The following DNAJA2 variants were observed in gnomAD, a reference collection of about 807,000 sequenced individuals.
The protein encoded by DNAJA2 is dnaJ homolog subfamily A member 2.
Under a neutral mutation model 49.3 loss-of-function variants are expected in DNAJA2, and 6 were observed. The observed-to-expected ratio is 0.12, with a 90% CI of 0.07 to 0.24. The LOEUF (loss-of-function observed/expected upper bound fraction) is 0.24. Among genes scored for constraint, DNAJA2 ranks in the 10% least tolerant of loss-of-function variants. DNAJA2 has a pLI of 1.00. For synonymous variants in DNAJA2, 160 were observed against 172.7 expected (o/e 0.93, Z 0.58); for missense variants, 347 against 516.8 (o/e 0.67, Z 3.19).
At chr16:46,971,666 A>ACAAAAAAC in intron 2 of DNAJA2, 94 bp from the exon 3 acceptor site, 1 of 997,540 alleles carries the variant, frequency 1.0e-6, no homozygotes, top group Non-Finnish European at 1.5e-6. Context: ...AATTCTAAAA[A>ACAAAAAAC]AAAAAAAAAA....
At chr16:46,967,893 G>A (rs1017002520) in intron 4 of DNAJA2, among the ~76,000 whole-genome samples, 191 bp downstream of exon 4, 4 of 152,034 alleles carry the variant, frequency 2.6e-5, no homozygotes, top group African/African-American at 9.7e-5. Context: ...TTCACCTCTC[G>A]GGTTCAAGCG....
chr16:46,972,516 T>C (rs1337360065), intron 1 of DNAJA2: 1 of 154,736 alleles, frequency 6.5e-6, no homozygotes, highest in Non-Finnish European at 1.4e-5. Flanking sequence ...GGTAGAGAAG[T>C]TGCACACACT....
chr16:46,968,463 T>C lies in DNAJA2; in HGVS notation c.363-299A>G, dbSNP rs558107209. On this transcript the variant is annotated intron_variant, in intron 3 of 8. Transcript: ENST00000317089. ...GCTGATGACTTCGCAAACTCAAATATCACAACCTTCTGTTCTGAGGCATAA... is the reference window on the plus strand; with the variant it reads ...GCTGATGACTTCGCAAACTCAAATACCACAACCTTCTGTTCTGAGGCATAA... 2.0e-5 allele frequency among the ~76,000 whole-genome samples: 3 copies of C among 152,316 alleles called. No individual in the cohort carries two copies. The South Asian group carries it at 6.2e-4, about 32-fold the overall frequency.
intron 6 of DNAJA2, among the ~76,000 whole-genome samples, chr16:46,963,852 TCA>T (rs1365437707): frequency 1.3e-5 from 2 of 152,158 alleles, no homozygotes; most frequent in Non-Finnish European, 2.9e-5. Context: ...CAGCAGAGTT[TCA>T]CAGTGAAAAT....
At chr16:46,963,496 C>A (rs1961927435) in intron 6 of DNAJA2, among the ~76,000 whole-genome samples, 1 of 150,326 alleles carries the variant, frequency 6.7e-6, no homozygotes, top group Non-Finnish European at 1.5e-5. Flanking sequence ...TGGCAAGACC[C>A]TGTCTCTACT....
chr16:46,968,729 T>C (rs1375800561), intron 3 of DNAJA2, among the ~76,000 whole-genome samples: 1 of 152,086 alleles, frequency 6.6e-6, no homozygotes, highest in Non-Finnish European at 1.5e-5. Flanking sequence ...GCCCTACCTA[T>C]AGTATGACAG....
At chr16:46,967,777 T>G (rs1293312302) in intron 4 of DNAJA2, 131 bp from the exon 5 acceptor site, 2 of 1,284,618 alleles carry the variant, frequency 1.6e-6, no homozygotes, top group Non-Finnish European at 2.2e-6. Context: ...CTTCCAGAAG[T>G]ATCAGAAAAC....
Position 46,973,489 on chromosome 16 carries a change from A to G in DNAJA2, c.78+6T>C, listed in dbSNP as rs778691154. The stretch of plus-strand genomic sequence containing the variant: ...CCTCACACCCGCCCGGCCCGCTCCC[A>G]GATACCTTCTTCAGCTCGTTCTCGC... On this transcript the variant is annotated splice_donor_region_variant and intron_variant, in intron 1 of 8. Transcript: ENST00000317089. 6 of 1,599,160 alleles carry G rather than the reference A, an allele frequency of 3.8e-6. No homozygotes were observed. The South Asian group carries it at 6.7e-5, about 18-fold the overall frequency.
intron 3 of DNAJA2, among the ~76,000 whole-genome samples, chr16:46,968,589 C>T (rs377748941): frequency 2.0e-5 from 3 of 152,166 alleles, no homozygotes; most frequent in East Asian, 3.9e-4. Context: ...AAGTAACTTG[C>T]CCAAGATCAC....
Position 46,956,938 on chromosome 16 carries a change from TCTGGATTGATAAGACACTCCAG to T in DNAJA2, c.*69_*90del, listed in dbSNP as rs1961823721. 5 of 1,404,530 alleles carry T rather than the reference TCTGGATTGATAAGACACTCCAG, an allele frequency of 3.6e-6. No individual in the cohort carries two copies. The highest frequency in any genetic ancestry group is 4.0e-6 in the Non-Finnish European group (4 of 991,950). The allele number at this position is 1,404,530 out of a possible 1,614,324, so 87.0% of individuals were successfully genotyped here. A position where few individuals can be genotyped will look rare whatever the true frequency, so the allele number is the denominator to read the frequency against. ...AGACCAACAGATGTCCCTCAGTTCA[TCTGGATTGATAAGACACTCCAG>T]CTGGATTGCTGAGAACAAATCAGGC... On this transcript the variant is annotated 3_prime_UTR_variant, in exon 9 of 9. Transcript: ENST00000317089.
chr16:46,961,836 A>G (rs1278721294), intron 6 of DNAJA2, among the ~76,000 whole-genome samples: 3 of 152,116 alleles, frequency 2.0e-5, no homozygotes, highest in Non-Finnish European at 4.4e-5. Flanking sequence ...CTTAGAAGTC[A>G]TATTTCTGAA....
intron 4 of DNAJA2, 149 bp from the exon 5 acceptor site, chr16:46,967,795 T>A (rs1249467426): frequency 8.3e-7 from 1 of 1,201,138 alleles, no homozygotes; most frequent in Non-Finnish European, 1.2e-6. Context: ...AACATTCTGC[T>A]AAGATTTTTT....
At chr16:46,963,977 G>C (rs1253488316) in intron 6 of DNAJA2, among the ~76,000 whole-genome samples, 1 of 152,152 alleles carries the variant, frequency 6.6e-6, no homozygotes, top group Non-Finnish European at 1.5e-5. Context: ...GACCAGGCCA[G>C]AGGAGAATCG....
intron 3 of DNAJA2, among the ~76,000 whole-genome samples, chr16:46,971,096 A>G (rs1271654422): frequency 6.6e-6 from 1 of 152,170 alleles, no homozygotes; most frequent in Non-Finnish European, 1.5e-5. Flanking sequence ...AAGTCCTATA[A>G]TAACAAGCAG....
At chr16:46,968,374 G>C (rs148095384) in intron 3 of DNAJA2, among the ~76,000 whole-genome samples, 23 of 152,262 alleles carry the variant, frequency 1.5e-4, no homozygotes, top group Non-Finnish European at 3.4e-4. Context: ...GTACATATAT[G>C]ATACCCAAAG....
chr16:46,962,536 G>A (rs867154266), intron 6 of DNAJA2, among the ~76,000 whole-genome samples: 5 of 152,104 alleles, frequency 3.3e-5, no homozygotes, highest in Non-Finnish European at 4.4e-5. Flanking sequence ...TTACAACACA[G>A]TCTAACCTCC....
At position 46,959,112 on chromosome 16, in the gene DNAJA2, C is replaced by T. The variant is rs1257961632; in HGVS notation, c.938G>A (p.Arg313Gln). ...ACGATACTGCGGCATCCCTTCACCT[C>T]GAACTACACGAACACACCCTATTAT... is the stretch of plus-strand genomic sequence containing the variant. ...VIEPGCVRVV[R>Q]GEGMPQYRNP... The change falls in exon 8 of 9, where the codon CGA becomes CAA. Residue 313 changes from arginine (R) to glutamine (Q), a missense_variant. Coordinates refer to ENST00000317089, the MANE Select transcript of DNAJA2 (RefSeq NM_005880.4). The T allele has an allele frequency of 6.0e-6, 9 of 1,497,814 alleles. No homozygotes were observed. The African/African-American group carries it at 7.6e-5, about 13-fold the overall frequency. The allele number at this position is 1,497,814 out of a possible 1,614,324, so 92.8% of individuals were successfully genotyped here.
rs772107935 is a variant in DNAJA2 at position 46,967,622 on chromosome 16, G to C, written c.468C>G (p.Val156=). The change falls in exon 5 of 9, where the codon GTC becomes GTG. Residue 156 remains valine (V), a synonymous_variant. Coordinates refer to ENST00000317089, the MANE Select transcript of DNAJA2 (RefSeq NM_005880.4). Reference sequence around the variant, plus strand: ...GACCTCGACAAGCACTACACTTTTGGACAGCTCCAGACTTTCCGCCTTGGC... The same window carrying C: ...GACCTCGACAAGCACTACACTTTTGCACAGCTCCAGACTTTCCGCCTTGGC... ...CSGQGGKSGA[V]QKCSACRGRG... 3.1e-6 allele frequency: 5 copies of C among 1,614,082 alleles called. No individual in the cohort carries two copies. The highest frequency in any genetic ancestry group is 3.4e-6 in the Non-Finnish European group (4 of 1,180,020).
intron 3 of DNAJA2, among the ~76,000 whole-genome samples, chr16:46,970,541 C>G (rs975159248): frequency 6.7e-6 from 1 of 149,800 alleles, no homozygotes; most frequent in Admixed American, 6.7e-5. Flanking sequence ...TCAAGACCAG[C>G]TTGGCCAACA....
Sources: allele counts gnomAD v4.1 joint callset (sites outside exome capture counted in the v4.1 genomes callset), GRCh38; gene constraint gnomAD v4.1.1; transcripts MANE v1.5; gene names NCBI Gene and HGNC (gene_info 2026-07-23, HGNC 2026-07-21).